CYFIP1: variants seen among roughly 807,000 people sequenced by gnomAD.
CYFIP1 encodes cytoplasmic FMR1 interacting protein 1.
Under a neutral mutation model 163.5 loss-of-function variants are expected in CYFIP1, and 58 were observed. The ratio of observed to expected loss-of-function variants is 0.35; its 90% CI spans 0.29 to 0.44. CYFIP1 has a LOEUF of 0.44. Ranked by LOEUF, CYFIP1 falls within the 20% of genes least tolerant of loss-of-function variation. The probability of loss-of-function intolerance (pLI) is 1.00; values close to 1 mark genes in which losing one functional copy is unlikely to be tolerated. For synonymous variants in CYFIP1, 663 were observed against 660.7 expected (o/e 1.00, Z -0.05); for missense variants, 1,338 against 1,653.8 (o/e 0.81, Z 3.31).
At position 22,926,008 on chromosome 15, in the gene CYFIP1, T is replaced by C. The variant is rs763578834; in HGVS notation, c.1333A>G (p.Ser445Gly). ...YERATRYNYT[S>G]EEKFALVEVI... ...TCCACTAGGGCAAACTTCTCCTCGC[T>C]GGTGTAGTTGTAGCGCGTGGCACGC... Residue 445 changes from serine (S) to glycine (G), a missense_variant, in exon 13 of 31, where the codon AGC becomes GGC. Coordinates refer to ENST00000617928, the MANE Select transcript of CYFIP1 (RefSeq NM_014608.6). 1.2e-6 allele frequency: 2 copies of C among 1,614,018 alleles called. No individual in the cohort carries two copies. Among genetic ancestry groups the C allele is most frequent in the South Asian group, 2.2e-5 (2 of 91,066 alleles).
intron 13 of CYFIP1, among the ~76,000 whole-genome samples, chr15:22,922,164 G>A (rs1319820671): frequency 1.3e-5 from 2 of 152,112 alleles, no homozygotes; most frequent in Non-Finnish European, 2.9e-5. Flanking sequence ...GTCCTGCCTA[G>A]AGATTATGTT....
chr15:22,879,150 A>G (rs2059675737), intron 26 of CYFIP1, among the ~76,000 whole-genome samples: 1 of 147,482 alleles, frequency 6.8e-6, no homozygotes, highest in African/African-American at 2.5e-5. Flanking sequence ...AAAAAAAAAA[A>G]GAAAAAGAAA....
chr15:22,873,389 C>T, intron 29 of CYFIP1, 102 bp downstream of exon 29: 1 of 991,798 alleles, frequency 1.0e-6, no homozygotes, highest in Non-Finnish European at 1.5e-6. Flanking sequence ...TTCTGGTCCA[C>T]TTCCTGAGCA....
At chr15:22,901,700 C>T (rs575101812) in intron 22 of CYFIP1, among the ~76,000 whole-genome samples, 9 of 152,352 alleles carry the variant, frequency 5.9e-5, no homozygotes, top group East Asian at 1.9e-4. Context: ...GGCCAGGCAA[C>T]GAGCAAAGTC....
chr15:22,926,956 T>A (rs919965804), intron 12 of CYFIP1, among the ~76,000 whole-genome samples: 1 of 152,222 alleles, frequency 6.6e-6, no homozygotes, highest in Non-Finnish European at 1.5e-5. Flanking sequence ...ATGACTGTAT[T>A]AAATTATCAC....
At chr15:22,906,462 A>ATTT (rs58360718) in intron 21 of CYFIP1, among the ~76,000 whole-genome samples, 5 of 87,502 alleles carry the variant, frequency 5.7e-5, no homozygotes, top group East Asian at 3.3e-4. Flanking sequence ...AGCAACTACT[A>ATTT]TTTTTTTTTT....
At chr15:22,944,374 T>A (rs555613363) in intron 5 of CYFIP1, among the ~76,000 whole-genome samples, 184 bp downstream of exon 5, 3 of 151,950 alleles carry the variant, frequency 2.0e-5, no homozygotes, top group Non-Finnish European at 2.9e-5. Flanking sequence ...AAAAGGAGCG[T>A]TGATTCCGAA....
chr15:22,940,556 C>T (rs956539165), intron 6 of CYFIP1, among the ~76,000 whole-genome samples: 3 of 152,174 alleles, frequency 2.0e-5, no homozygotes, highest in Non-Finnish European at 4.4e-5. Context: ...GAAGCGGAGC[C>T]GCAGGACCAC....
At chr15:22,926,229 G>T in intron 12 of CYFIP1, 122 bp from the exon 13 acceptor site, 1 of 1,423,308 alleles carries the variant, frequency 7.0e-7, no homozygotes, top group Non-Finnish European at 9.6e-7. Flanking sequence ...CATTCTGAAA[G>T]TCACACATGA....
intron 15 of CYFIP1, chr15:22,916,957 T>G: frequency 1.3e-6 from 2 of 1,551,714 alleles, no homozygotes; most frequent in East Asian, 4.9e-5. Context: ...AGCCTCTCCA[T>G]GCCCAGAGAC....
At chr15:22,954,089 C>T (rs1278782936) in intron 1 of CYFIP1, among the ~76,000 whole-genome samples, 5 of 152,018 alleles carry the variant, frequency 3.3e-5, no homozygotes, top group African/African-American at 1.2e-4. Flanking sequence ...ACAATAGGAT[C>T]GCATTTCTGT....
At chr15:22,915,521 C>T (rs757355995) in intron 16 of CYFIP1, among the ~76,000 whole-genome samples, 9 of 151,344 alleles carry the variant, frequency 5.9e-5, no homozygotes, top group African/African-American at 2.2e-4. Flanking sequence ...GAGGCCGAGG[C>T]GGGTGGATCA....
At chr15:22,871,384 T>G (rs1445608760) in intron 30 of CYFIP1, among the ~76,000 whole-genome samples, 1 of 152,200 alleles carries the variant, frequency 6.6e-6, no homozygotes, top group African/African-American at 2.4e-5. Flanking sequence ...TAATTGAACT[T>G]TAAAAAGTGA....
chr15:22,934,177 CT>C (rs1163626431), intron 9 of CYFIP1, among the ~76,000 whole-genome samples: 157 of 66,142 alleles, frequency 2.4e-3, no homozygotes, highest in African/African-American at 7.9e-3. Context: ...GCATTTCTTT[CT>C]TTTTTTTTTT....
chr15:22,951,321 C>T, intron 1 of CYFIP1: 1 of 1,152,980 alleles, frequency 8.7e-7, no homozygotes, highest in South Asian at 1.6e-5. Flanking sequence ...CGTCCACTTC[C>T]CTCCACATCA....
At chr15:22,939,825 T>A (rs144380966) in intron 6 of CYFIP1, among the ~76,000 whole-genome samples, 1 of 152,124 alleles carries the variant, frequency 6.6e-6, no homozygotes, top group African/African-American at 2.4e-5. Flanking sequence ...GACGCCCACC[T>A]CATCTAGGGG....
intron 26 of CYFIP1, among the ~76,000 whole-genome samples, chr15:22,879,657 C>T (rs1462635089): frequency 3.9e-5 from 6 of 152,038 alleles, no homozygotes; most frequent in Non-Finnish European, 7.4e-5. Context: ...ATGTTGAAAA[C>T]ATCACATAAT....
At position 22,873,531 on chromosome 15, in the gene CYFIP1, C is replaced by T; in HGVS notation, c.3409G>A (p.Val1137Ile). The T allele has an allele frequency of 4.3e-6, 7 of 1,614,118 alleles. No homozygotes were observed. The highest frequency in any genetic ancestry group is 5.9e-6 in the Non-Finnish European group (7 of 1,179,944). ...FHRLWSAMQF[V>I]YCIPVGTHEF... ...TGTGTCCCCACGGGAATGCAGTAGA[C>T]AAACTGCATGGCACTCCACAGTCTG... Residue 1137 changes from valine (V) to isoleucine (I), a missense_variant, in exon 29 of 31, where the codon GTC (valine) becomes ATC (isoleucine). By Grantham distance (29) the Val-to-Ile change is conservative. This residue lies in a region of CYFIP1 where 306 missense variants were observed against 322.1 expected (regional missense o/e 0.95). Transcript: ENST00000617928.
At chr15:22,978,238 G>A (rs897268125) in intron 1 of CYFIP1, among the ~76,000 whole-genome samples, 1 of 150,852 alleles carries the variant, frequency 6.6e-6, no homozygotes, top group South Asian at 2.1e-4. Flanking sequence ...TGTAATCCCA[G>A]CTACTCAGGG....
Sources: gnomAD v4.1 joint callset for allele counts (sites outside exome capture counted in the v4.1 genomes callset) on GRCh38, gnomAD v4.1.1 for gene constraint, gnomAD v4.1.1 regional missense constraint, MANE v1.5 for transcripts, NCBI Gene and HGNC (gene_info 2026-07-23, HGNC 2026-07-21) for gene names.